Variants in PLXNC1 observed in about 807,000 individuals in gnomAD.
PLXNC1 encodes plexin C1.
A neutral mutation model predicts 178.2 loss-of-function variants in PLXNC1; 75 were observed. The ratio of observed to expected loss-of-function variants is 0.42; its 90% CI spans 0.35 to 0.51. The LOEUF (loss-of-function observed/expected upper bound fraction) is 0.51. PLXNC1 is among the 20% of genes least tolerant of loss of function. PLXNC1 has a pLI of 0.02. For synonymous variants in PLXNC1, 790 were observed against 779.9 expected (o/e 1.01, Z -0.22); for missense variants, 1,503 against 1,984.4 (o/e 0.76, Z 4.61).
intron 23 of PLXNC1, among the ~76,000 whole-genome samples, chr12:94,283,696 G>C (rs998525025): frequency 6.6e-6 from 1 of 152,192 alleles, no homozygotes; most frequent in Non-Finnish European, 1.5e-5. Context: ...GGAAGTCAAA[G>C]CTGTCTTCTT....
intron 2 of PLXNC1, among the ~76,000 whole-genome samples, chr12:94,180,826 C>T (rs994263671): frequency 3.3e-5 from 5 of 152,178 alleles, no homozygotes; most frequent in Non-Finnish European, 7.3e-5. Context: ...TCACTTGTGG[C>T]TTCCTATAGG....
At chr12:94,239,708 C>T (rs974522091) in intron 10 of PLXNC1, among the ~76,000 whole-genome samples, 9 of 152,204 alleles carry the variant, frequency 5.9e-5, no homozygotes, top group African/African-American at 1.4e-4. Flanking sequence ...TCTGAAAGGG[C>T]GCCAAGCATC....
At position 94,279,867 on chromosome 12, in the gene PLXNC1, G is replaced by A; in HGVS notation, c.3775+218G>A. 3 of 687,442 alleles carry A rather than the reference G, an allele frequency of 4.4e-6. No individual in the cohort carries two copies. The South Asian group carries it at 4.5e-5, about 10-fold the overall frequency. The allele number at this position is 687,442 out of a possible 1,614,324, so 42.6% of individuals were successfully genotyped here. On this transcript the variant is annotated intron_variant, in intron 22 of 30. Coordinates refer to ENST00000258526, the MANE Select transcript of PLXNC1 (RefSeq NM_005761.3). ...GAAGGAAGCACGGTCCTTCAAAGAT[G>A]GCGTTTGTTGTTGTTGTCTTTAAAT... is the stretch of plus-strand genomic sequence containing the variant.
rs1969122245 is a variant in PLXNC1, at chr12:94,307,146, G to C, written c.*1861G>C. Reference sequence around the variant, plus strand: ...GAGGGTGTCCCTGTCCAGCTTTCTGGCACATGAGTCCTGTGTGGAGAGTTA... The same window carrying C: ...GAGGGTGTCCCTGTCCAGCTTTCTGCCACATGAGTCCTGTGTGGAGAGTTA... On this transcript the variant is annotated 3_prime_UTR_variant, in exon 31 of 31. Coordinates refer to ENST00000258526, the MANE Select transcript of PLXNC1 (RefSeq NM_005761.3). 6.6e-6 allele frequency: 1 copy of C among 152,146 alleles called. No individual in the cohort carries two copies. Among genetic ancestry groups the C allele is most frequent in the African/African-American group, 2.4e-5 (1 of 41,428 alleles). 9.4% of individuals were successfully genotyped at this position (152,146 alleles called of 1,614,324 possible).
intron 4 of PLXNC1, 153 bp downstream of exon 4, chr12:94,186,626 C>T: frequency 1.7e-6 from 1 of 600,646 alleles, no homozygotes; most frequent in Non-Finnish European, 3.1e-6. Flanking sequence ...CTAATGAATT[C>T]TCGAAGGTGT....
intron 28 of PLXNC1, among the ~76,000 whole-genome samples, chr12:94,302,276 T>A (rs1185747244): frequency 2.6e-5 from 4 of 152,216 alleles, no homozygotes; most frequent in African/African-American, 9.6e-5. Flanking sequence ...TTTCCCAAGT[T>A]CACACCATGA....
At chr12:94,169,475 G>C (rs1053892940) in intron 2 of PLXNC1, among the ~76,000 whole-genome samples, 182 bp downstream of exon 2, 1 of 152,096 alleles carries the variant, frequency 6.6e-6, no homozygotes, top group Admixed American at 6.5e-5. Context: ...AGAATGCCCC[G>C]TAGCCATGTA....
chr12:94,269,893 G>A (rs1438501407), intron 21 of PLXNC1, among the ~76,000 whole-genome samples: 1 of 152,136 alleles, frequency 6.6e-6, no homozygotes, highest in East Asian at 1.9e-4. Context: ...TCATTCCCTC[G>A]TTGATGGCAA....
At chr12:94,261,726 G>A (rs1433081129) in intron 20 of PLXNC1, among the ~76,000 whole-genome samples, 2 of 152,124 alleles carry the variant, frequency 1.3e-5, no homozygotes, top group Non-Finnish European at 2.9e-5. Context: ...AGCTAGTTCC[G>A]AAATCTAATT....
intron 1 of PLXNC1, among the ~76,000 whole-genome samples, chr12:94,154,078 C>A (rs1225520098): frequency 6.6e-6 from 1 of 152,120 alleles, no homozygotes. Context: ...ATGACAGCAC[C>A]CACTTAGAAA....
chr12:94,243,214 G>C (rs1964437983), intron 11 of PLXNC1, among the ~76,000 whole-genome samples: 1 of 152,214 alleles, frequency 6.6e-6, no homozygotes, highest in Admixed American at 6.5e-5. Flanking sequence ...TGTCATCAGG[G>C]GCTCAGCTGG....
In PLXNC1 at chr12:94,254,876, G is replaced by A; in HGVS notation, c.2971G>A (p.Glu991Lys). ...ATTGCTGGAAAGCGAGCTCCGGAAA[G>A]AGATACGTGACGGTAGGCTCCAAAA... ...LELLESELRK[E>K]IRDGFAELQM... Residue 991 changes from glutamate (E) to lysine (K), a missense_variant, in exon 16 of 31, where the codon GAG (glutamate) becomes AAG (lysine). Glu to Lys is a moderately conservative substitution (Grantham distance 56). This residue lies in a region of PLXNC1 where 639 missense variants were observed against 979.7 expected (regional missense o/e 0.65). Coordinates refer to ENST00000258526, the MANE Select transcript of PLXNC1 (RefSeq NM_005761.3). 2 of 1,610,594 alleles carry A rather than the reference G, an allele frequency of 1.2e-6. No homozygotes were observed. The highest frequency in any genetic ancestry group is 1.7e-6 in the Non-Finnish European group (2 of 1,178,570).
chr12:94,246,860 C>T (rs1964541620), intron 12 of PLXNC1, among the ~76,000 whole-genome samples: 1 of 151,412 alleles, frequency 6.6e-6, no homozygotes, highest in African/African-American at 2.4e-5. Flanking sequence ...ATTGCCTCTT[C>T]CTATTGTCTT....
At position 94,169,874 on chromosome 12, in the gene PLXNC1, G is replaced by A. The variant is rs74866832; in HGVS notation, c.1203+581G>A. Among the ~76,000 whole-genome samples, 1,410 of 152,262 alleles carry A rather than the reference G, an allele frequency of 9.3e-3. 32 individuals are homozygous for A. The highest frequency in any genetic ancestry group is 0.032 in the African/African-American group (1,350 of 41,544). The stretch of plus-strand genomic sequence containing the variant: ...CAGAGGACTATTTCTTCTCCACTGT[G>A]TGGACACACCCCGGTCAAGTGCAGG... On this transcript the variant is annotated intron_variant, in intron 2 of 30. Transcript: ENST00000258526.
At chr12:94,269,783 T>C (rs995176391) in intron 21 of PLXNC1, among the ~76,000 whole-genome samples, 6 of 152,280 alleles carry the variant, frequency 3.9e-5, no homozygotes, top group African/African-American at 1.2e-4. Flanking sequence ...ATTTCCATTA[T>C]GACTTGCAAT....
At chr12:94,207,961 CAA>C (rs1963349498) in intron 4 of PLXNC1, among the ~76,000 whole-genome samples, 2 of 152,162 alleles carry the variant, frequency 1.3e-5, no homozygotes, top group South Asian at 4.2e-4. Flanking sequence ...GTGCCTTACA[CAA>C]ACCGGAGTGC....
At chr12:94,189,077 C>T (rs1354484768) in intron 4 of PLXNC1, among the ~76,000 whole-genome samples, 1 of 152,150 alleles carries the variant, frequency 6.6e-6, no homozygotes. Context: ...GTTGATGGTC[C>T]TGTGTTTGAA....
intron 10 of PLXNC1, among the ~76,000 whole-genome samples, chr12:94,238,418 A>G (rs775081235): frequency 6.6e-6 from 1 of 152,042 alleles, no homozygotes; most frequent in Non-Finnish European, 1.5e-5. Flanking sequence ...AACTCATCAC[A>G]TCGGTGAAAC....
In PLXNC1 at chr12:94,306,620, C is replaced by T. The variant is rs908384219; in HGVS notation, c.*1335C>T. 5.9e-5 allele frequency: 9 copies of T among 152,112 alleles called. No homozygotes were observed. The highest frequency in any genetic ancestry group is 2.2e-4 in the African/African-American group (9 of 41,410). The allele number at this position is 152,112 out of a possible 1,614,324, so 9.4% of individuals were successfully genotyped here. A position where few individuals can be genotyped will look rare whatever the true frequency, so the allele number is the denominator to read the frequency against. On this transcript the variant is annotated 3_prime_UTR_variant, in exon 31 of 31. Coordinates refer to ENST00000258526, the MANE Select transcript of PLXNC1 (RefSeq NM_005761.3). ...CCTTTTACCCTTGGTGCTCCAAATC[C>T]CCCATCTAGGAAAGAAAATTTTTTC...
Sources: allele counts gnomAD v4.1 joint callset (sites outside exome capture counted in the v4.1 genomes callset), GRCh38; gene constraint gnomAD v4.1.1; regional missense constraint gnomAD v4.1.1; transcripts MANE v1.5; gene names NCBI Gene and HGNC (gene_info 2026-07-23, HGNC 2026-07-21).